Variants in ENOX1 observed in about 807,000 individuals in gnomAD.
ENOX1 encodes candidate growth-related and time keeping constitutive hydroquinone (NADH) oxidase.
A neutral mutation model predicts 82.5 loss-of-function variants in ENOX1; 42 were observed. That is an observed-to-expected ratio of 0.51 (90% CI 0.40 to 0.66). The LOEUF (loss-of-function observed/expected upper bound fraction) is 0.66, where lower values mean the gene tolerates loss of function less well. ENOX1 is among the 30% of genes least tolerant of loss of function. The pLI is 0.00. For synonymous variants in ENOX1, 271 were observed against 282.2 expected (o/e 0.96, Z 0.40); for missense variants, 608 against 811.6 (o/e 0.75, Z 3.05).
chr13:43,630,860 T>TATATATATATACACAC (rs34023929), intron 2 of ENOX1, among the ~76,000 whole-genome samples: 1 of 147,708 alleles, frequency 6.8e-6, no homozygotes. Context: ...TATATATATA[T>TATATATATATACACAC]ACACACACAC....
At chr13:43,593,291 C>T (rs536738200) in intron 2 of ENOX1, among the ~76,000 whole-genome samples, 3 of 152,060 alleles carry the variant, frequency 2.0e-5, no homozygotes, top group South Asian at 2.1e-4. Flanking sequence ...AGGAACCAAA[C>T]GAATAAATGA....
rs367942044 is a variant in ENOX1 at position 43,470,400 on chromosome 13, GTA to G, written c.-75+13607_-75+13608del. On this transcript the variant is annotated intron_variant, in intron 3 of 16. Transcript: ENST00000690772. Reference sequence around the variant, plus strand: ...TACATATATATACGTATATATATGTGTATATATATATATATATAACAGAGATA... The same window carrying G: ...TACATATATATACGTATATATATGTGTATATATATATATATAACAGAGATA... 8.9e-4 allele frequency among the ~76,000 whole-genome samples: 35 copies of G among 39,380 alleles called. 7 individuals are homozygous for G. The highest frequency in any genetic ancestry group is 4.5e-3 in the Admixed American group (19 of 4,234). The allele number at this position is 39,380 out of a possible 152,430, so 25.8% of individuals were successfully genotyped here. A position where few individuals can be genotyped will look rare whatever the true frequency, so the allele number is the denominator to read the frequency against.
chr13:43,718,300 C>A (rs573319113), intron 1 of ENOX1, among the ~76,000 whole-genome samples: 1 of 152,168 alleles, frequency 6.6e-6, no homozygotes, highest in South Asian at 2.1e-4. Context: ...ACAATATGAT[C>A]TCACTTATAA....
In ENOX1 at chr13:43,359,916, T is replaced by C. The variant is rs1171498053; in HGVS notation, c.524A>G (p.Lys175Arg). ...AAAGCGAATGTGACAAAAATTCTTC[T>C]TGCTTTTCCGAATTGCTGTAATATC... The part of the protein sequence containing the change: ...CGDITAIRKS[K>R]KNFCHIRFAE... The change falls in exon 7 of 17, where the codon AAG becomes AGG. Residue 175 changes from lysine (K) to arginine (R), a missense_variant. By Grantham distance (26) the Lys-to-Arg change is conservative (BLOSUM62 2). Coordinates refer to ENST00000690772, the MANE Select transcript of ENOX1 (RefSeq NM_001347969.2). 6.2e-7 allele frequency: 1 copy of C among 1,614,140 alleles called. No homozygotes were observed. Among genetic ancestry groups the C allele is most frequent in the African/African-American group, 1.3e-5 (1 of 74,952 alleles).
At chr13:43,285,889 C>T (rs182876574) in intron 12 of ENOX1, among the ~76,000 whole-genome samples, 2 of 150,112 alleles carry the variant, frequency 1.3e-5, no homozygotes, top group Admixed American at 6.7e-5. Context: ...TTTCTTTGTC[C>T]CCCCATCAAA....
chr13:43,443,637 G>C (rs1007750790), intron 3 of ENOX1, among the ~76,000 whole-genome samples: 2 of 152,138 alleles, frequency 1.3e-5, no homozygotes, highest in Non-Finnish European at 2.9e-5. Flanking sequence ...TAATGTACTT[G>C]AGATAACTGG....
intron 11 of ENOX1, among the ~76,000 whole-genome samples, chr13:43,301,632 T>A (rs2046583794): frequency 6.6e-6 from 1 of 151,856 alleles, no homozygotes. Context: ...AACATTTTTA[T>A]AATTGGGGCA....
chr13:43,377,072 T>C (rs1594219737), intron 5 of ENOX1, among the ~76,000 whole-genome samples: 2 of 152,190 alleles, frequency 1.3e-5, no homozygotes, highest in East Asian at 3.9e-4. Context: ...ATAAATTTCA[T>C]GGTTAGAAAT....
chr13:43,578,575 C>T (rs183204192), intron 2 of ENOX1, among the ~76,000 whole-genome samples: 31 of 152,236 alleles, frequency 2.0e-4, no homozygotes, highest in Admixed American at 5.2e-4. Context: ...TCATAAGTAG[C>T]GTCACTCAAG....
chr13:43,230,986 T>A (rs1305030039), intron 15 of ENOX1, among the ~76,000 whole-genome samples: 2 of 152,182 alleles, frequency 1.3e-5, no homozygotes, highest in Non-Finnish European at 2.9e-5. Context: ...TGTGTCAGGT[T>A]CTAAAGTTCT....
intron 1 of ENOX1, among the ~76,000 whole-genome samples, chr13:43,721,284 T>C (rs1264413683): frequency 6.6e-6 from 1 of 152,006 alleles, no homozygotes; most frequent in African/African-American, 2.4e-5. Context: ...AAATTTTTAA[T>C]TATTATTTTC....
intron 2 of ENOX1, among the ~76,000 whole-genome samples, chr13:43,639,898 G>A (rs1195174063): frequency 1.3e-5 from 2 of 152,104 alleles, no homozygotes; most frequent in African/African-American, 4.8e-5. Context: ...GCATGGTGGT[G>A]TGTGCCTGTA....
intron 5 of ENOX1, among the ~76,000 whole-genome samples, chr13:43,370,824 G>A (rs1418419858): frequency 1.3e-5 from 2 of 152,020 alleles, no homozygotes; most frequent in African/African-American, 4.8e-5. Flanking sequence ...TGCTAATTTA[G>A]GTCCTCATTC....
intron 3 of ENOX1, among the ~76,000 whole-genome samples, chr13:43,472,818 G>GA (rs1436110824): frequency 6.6e-5 from 10 of 151,876 alleles, no homozygotes; most frequent in African/African-American, 2.4e-4. Context: ...GAAATTTCAG[G>GA]AAAAAAATGT....
chr13:43,659,685 G>C (rs563932307), intron 2 of ENOX1, among the ~76,000 whole-genome samples: 12 of 152,208 alleles, frequency 7.9e-5, no homozygotes, highest in African/African-American at 2.9e-4. Context: ...TGTTGATATA[G>C]GATTTATTTT....
At chr13:43,584,895 C>G (rs1020597482) in intron 2 of ENOX1, among the ~76,000 whole-genome samples, 1 of 152,172 alleles carries the variant, frequency 6.6e-6, no homozygotes, top group African/African-American at 2.4e-5. Context: ...AGGAGATACC[C>G]AGCTGTCCCA....
intron 1 of ENOX1, among the ~76,000 whole-genome samples, chr13:43,754,181 G>GTATGTATATATACA (rs1950505385): frequency 9.2e-6 from 1 of 109,112 alleles, no homozygotes; most frequent in African/African-American, 3.2e-5. Flanking sequence ...TTACACGTAT[G>GTATGTATATATACA]TATGTATATA....
At chr13:43,609,750 A>G (rs1241508583) in intron 2 of ENOX1, 1 of 180,858 alleles carries the variant, frequency 5.5e-6, no homozygotes, top group Admixed American at 6.5e-5. Flanking sequence ...GCTTGCACAC[A>G]TATTATTATT....
At chr13:43,473,957 G>T (rs1007132992) in intron 3 of ENOX1, among the ~76,000 whole-genome samples, 2 of 151,992 alleles carry the variant, frequency 1.3e-5, no homozygotes, top group African/African-American at 4.8e-5. Flanking sequence ...ATCATTCTGG[G>T]CTACAGCACC....
Sources: allele counts gnomAD v4.1 joint callset (sites outside exome capture counted in the v4.1 genomes callset), GRCh38; gene constraint gnomAD v4.1.1; transcripts MANE v1.5; gene names NCBI Gene and HGNC (gene_info 2026-07-23, HGNC 2026-07-21).